The following ITPR1 variants were observed in gnomAD, a reference collection of about 807,000 sequenced individuals.
ITPR1 encodes the protein inositol 1,4,5-trisphosphate receptor type 1.
Under a neutral mutation model 318.4 loss-of-function variants are expected in ITPR1, and 96 were observed. The observed-to-expected ratio is 0.30, with a 90% confidence interval of 0.26 to 0.36. The LOEUF is 0.36. ITPR1 is among the 10% of genes least tolerant of loss of function. The pLI, the probability that ITPR1 is intolerant of heterozygous loss-of-function variation, is 1.00. For synonymous variants in ITPR1, 1,312 were observed against 1,289.9 expected (o/e 1.02, Z -0.37); for missense variants, 2,440 against 3,460.2 (o/e 0.71, Z 7.40).
intron 55 of ITPR1, among the ~76,000 whole-genome samples, chr3:4,809,392 C>T (rs1169555124): frequency 1.3e-5 from 2 of 152,110 alleles, no homozygotes; most frequent in Non-Finnish European, 2.9e-5. Flanking sequence ...TCATGTTTTT[C>T]CCATATAGTG....
chr3:4,570,946 T>C (rs1229647570), intron 4 of ITPR1, among the ~76,000 whole-genome samples: 1 of 152,220 alleles, frequency 6.6e-6, no homozygotes, highest in African/African-American at 2.4e-5. Flanking sequence ...TTGGGTGAGC[T>C]TACCCATGTG....
At chr3:4,568,976 G>A (rs1397629742) in intron 4 of ITPR1, among the ~76,000 whole-genome samples, 1 of 151,976 alleles carries the variant, frequency 6.6e-6, no homozygotes, top group East Asian at 1.9e-4. Flanking sequence ...AAAAGCAGGA[G>A]CAAGAGAAGA....
chr3:4,768,795 A>T, intron 46 of ITPR1, 31 bp downstream of exon 46: 1 of 1,584,168 alleles, frequency 6.3e-7, no homozygotes. Flanking sequence ...GCGTGGAGGG[A>T]GCTCGGGAAA....
chr3:4,599,935 C>A (rs994743200), intron 4 of ITPR1, among the ~76,000 whole-genome samples: 25 of 152,180 alleles, frequency 1.6e-4, no homozygotes, highest in Admixed American at 6.5e-4. Context: ...ATCTTAGTCT[C>A]TCCCAGAAGT....
chr3:4,560,702 A>G (rs925244248), intron 4 of ITPR1, among the ~76,000 whole-genome samples: 5 of 152,198 alleles, frequency 3.3e-5, no homozygotes, highest in Admixed American at 2.0e-4. Flanking sequence ...ACAGTTCTGG[A>G]GGAACAGATT....
chr3:4,846,882 C>CAAAG lies in ITPR1; in HGVS notation c.*659_*662dup, dbSNP rs2051818568. 1 of 152,636 alleles carries CAAAG rather than the reference C, an allele frequency of 6.6e-6. No homozygotes were observed. Among genetic ancestry groups the CAAAG allele is most frequent in the East Asian group, 1.9e-4 (1 of 5,182 alleles). The allele number at this position is 152,636 out of a possible 1,614,324, so 9.5% of individuals were successfully genotyped here. ...ATTTTAAGAAAAGCAACTTTAGTTT[C>CAAAG]AAAGATACTTTTAAGCTTCTAAATT... On this transcript the variant is annotated 3_prime_UTR_variant, in exon 62 of 62. Coordinates refer to ENST00000649015, the MANE Select transcript of ITPR1 (RefSeq NM_001378452.1).
chr3:4,708,264 T>C (rs2094800142), intron 37 of ITPR1, among the ~76,000 whole-genome samples: 1 of 152,202 alleles, frequency 6.6e-6, no homozygotes, highest in Non-Finnish European at 1.5e-5. Context: ...TCTTAGCGTC[T>C]ACCAAGAGAT....
At chr3:4,542,683 CG>C (rs368356555) in intron 4 of ITPR1, among the ~76,000 whole-genome samples, 1 of 54,734 alleles carries the variant, frequency 1.8e-5, no homozygotes, top group African/African-American at 4.0e-5. Flanking sequence ...TTGTGTGTGG[CG>C]GGGGGGTGGG....
intron 61 of ITPR1, among the ~76,000 whole-genome samples, chr3:4,845,266 G>A (rs1171065863): frequency 1.3e-5 from 2 of 152,132 alleles, no homozygotes; most frequent in Non-Finnish European, 2.9e-5. Flanking sequence ...TATATATTCC[G>A]TATAGCCTTT....
At chr3:4,731,484 C>A (rs2042923251) in intron 42 of ITPR1, among the ~76,000 whole-genome samples, 2 of 152,214 alleles carry the variant, frequency 1.3e-5, no homozygotes, top group African/African-American at 4.8e-5. Context: ...AGTTACCCTC[C>A]TTTGCTGAAC....
At chr3:4,532,446 C>G (rs910941154) in intron 4 of ITPR1, among the ~76,000 whole-genome samples, 2 of 152,154 alleles carry the variant, frequency 1.3e-5, no homozygotes, top group African/African-American at 4.8e-5. Flanking sequence ...CCCACCGCAG[C>G]CTTGACTTCC....
At chr3:4,551,029 C>CTA (rs545240719) in intron 4 of ITPR1, among the ~76,000 whole-genome samples, 3 of 152,200 alleles carry the variant, frequency 2.0e-5, no homozygotes, top group Non-Finnish European at 2.9e-5. Context: ...TCACATAGAG[C>CTA]TATCTTCCCC....
At chr3:4,763,056 A>G (rs1194004313) in intron 44 of ITPR1, among the ~76,000 whole-genome samples, 1 of 152,232 alleles carries the variant, frequency 6.6e-6, no homozygotes, top group Non-Finnish European at 1.5e-5. Flanking sequence ...TTGCAGGGAC[A>G]TGGATGAAGC....
At chr3:4,706,433 G>C in intron 37 of ITPR1, 82 bp downstream of exon 37, 1 of 1,274,632 alleles carries the variant, frequency 7.8e-7, no homozygotes, top group South Asian at 1.5e-5. Flanking sequence ...TTGAGCCACA[G>C]AGCATCTAAG....
At chr3:4,555,784 T>C (rs2086061989) in intron 4 of ITPR1, among the ~76,000 whole-genome samples, 1 of 152,232 alleles carries the variant, frequency 6.6e-6, no homozygotes, top group Non-Finnish European at 1.5e-5. Flanking sequence ...CAGCTCTTAC[T>C]TTTGTGCCCC....
rs201804963 is a variant in ITPR1, at chr3:4,658,161, G to T, written c.1034G>T (p.Arg345Leu). 6.2e-7 allele frequency: 1 copy of T among 1,613,194 alleles called. No homozygotes were observed. The highest frequency in any genetic ancestry group is 1.1e-5 in the South Asian group (1 of 90,950). ...PDQDASRSRLRNAQEKMVYSL... is the reference protein window; with the variant it reads ...PDQDASRSRLLNAQEKMVYSL... ...CAGGACGCCTCTCGAAGTAGGTTGCGGAATGCCCAAGAAAAGATGGTATAC... is the reference window on the plus strand; with the variant it reads ...CAGGACGCCTCTCGAAGTAGGTTGCTGAATGCCCAAGAAAAGATGGTATAC... The change falls in exon 13 of 62, where the codon CGG becomes CTG. Residue 345 changes from arginine to leucine, a missense_variant. Around this residue, in one of 23 missense-constraint regions of ITPR1, gnomAD observed 101 missense variants for 119.6 expected, o/e 0.84. Coordinates refer to ENST00000649015, the MANE Select transcript of ITPR1 (RefSeq NM_001378452.1).
intron 4 of ITPR1, among the ~76,000 whole-genome samples, chr3:4,609,051 A>AATATAAATATATATATAT (rs1553643411): frequency 2.1e-5 from 1 of 46,542 alleles, no homozygotes; most frequent in African/African-American, 5.4e-5. Flanking sequence ...ACAACAACGA[A>AATATAAATATATATATAT]ATATATATAT....
chr3:4,666,851 G>T (rs899915740), intron 17 of ITPR1, among the ~76,000 whole-genome samples: 2 of 152,186 alleles, frequency 1.3e-5, no homozygotes, highest in Admixed American at 6.5e-5. Context: ...TGAGTTCCAT[G>T]CATATGATGG....
At chr3:4,685,005 C>A in intron 29 of ITPR1, 64 bp from the exon 30 acceptor site, 1 of 1,539,632 alleles carries the variant, frequency 6.5e-7, no homozygotes, top group East Asian at 2.3e-5. Flanking sequence ...CGCCACCACC[C>A]TCTGCAATCT....
Sources: gnomAD v4.1 joint callset for allele counts (sites outside exome capture counted in the v4.1 genomes callset) on GRCh38, gnomAD v4.1.1 for gene constraint, gnomAD v4.1.1 regional missense constraint, MANE v1.5 for transcripts, NCBI Gene and HGNC (gene_info 2026-07-23, HGNC 2026-07-21) for gene names.